The following ADGB variants were observed in gnomAD, a reference collection of about 807,000 sequenced individuals.
The protein encoded by ADGB is androglobin, also known as calpain-7-like protein.
In ADGB, 172 loss-of-function variants were observed where a neutral mutation model predicts 210.5. That is an observed-to-expected ratio of 0.82 (90% CI 0.72 to 0.93). The LOEUF is 0.93. Among genes scored for constraint, ADGB ranks in the 40% least tolerant of loss-of-function variants. The probability of loss-of-function intolerance (pLI) is 0.00; values close to 1 mark genes in which losing one functional copy is unlikely to be tolerated. For synonymous variants in ADGB, 658 were observed against 662.7 expected (o/e 0.99, Z 0.11); for missense variants, 2,025 against 1,964.8 (o/e 1.03, Z -0.58).
chr6:146,660,913 G>T (rs1354906053), intron 5 of ADGB, among the ~76,000 whole-genome samples: 1 of 151,994 alleles, frequency 6.6e-6, no homozygotes, highest in African/African-American at 2.4e-5. Context: ...TTTGTTCTTT[G>T]TTACCTTTCT....
At chr6:146,725,901 A>G (rs945996858) in intron 18 of ADGB, 182 bp from the exon 19 acceptor site, 8 of 446,196 alleles carry the variant, frequency 1.8e-5, no homozygotes, top group Admixed American at 3.6e-5. Flanking sequence ...CGTAGATTTC[A>G]TGATCCCGTA....
chr6:146,638,113 A>G (rs534180769), intron 2 of ADGB, among the ~76,000 whole-genome samples: 73 of 152,216 alleles, frequency 4.8e-4, no homozygotes, highest in African/African-American at 1.7e-3. Context: ...GATTCATCAC[A>G]TAAACACAAC....
chr6:146,802,978 C>G, intron 35 of ADGB: 1 of 1,609,600 alleles, frequency 6.2e-7, no homozygotes, highest in African/African-American at 1.3e-5. Flanking sequence ...TTAATGACTG[C>G]TTGAAGCCAG....
rs202088258 is a variant in ADGB, at chr6:146,701,044, A to G, written c.1681A>G (p.Ser561Gly). 4.3e-4 allele frequency: 669 copies of G among 1,550,768 alleles called. 6 individuals are homozygous for G. The South Asian group carries it at 7.4e-3, about 17-fold the overall frequency. The part of the protein sequence containing the change: ...ETATHSQTDL[S>G]QITKATSQGN... ...TGCAACACATAGCCAGACAGACTTG[A>G]GTCAAATAACAAAAGCTACATCTCA... The change falls in exon 13 of 36, where the codon AGT (serine) becomes GGT (glycine). Residue 561 changes from serine (S) to glycine (G), a missense_variant. Coordinates refer to ENST00000397944, the MANE Select transcript of ADGB (RefSeq NM_024694.4).
At chr6:146,673,844 G>A (rs1214011770) in intron 8 of ADGB, among the ~76,000 whole-genome samples, 1 of 152,068 alleles carries the variant, frequency 6.6e-6, no homozygotes, top group African/African-American at 2.4e-5. Context: ...TATACACTTG[G>A]GAGTCGTTGA....
At chr6:146,623,828 T>C (rs1268641509) in intron 1 of ADGB, among the ~76,000 whole-genome samples, 1 of 151,910 alleles carries the variant, frequency 6.6e-6, no homozygotes, top group East Asian at 1.9e-4. Flanking sequence ...TCTCCACATA[T>C]TTAGATGATC....
chr6:146,758,131 C>T (rs1777436355), intron 27 of ADGB, among the ~76,000 whole-genome samples: 1 of 152,064 alleles, frequency 6.6e-6, no homozygotes, highest in Non-Finnish European at 1.5e-5. Context: ...GGCTGCATTA[C>T]TCCTTTGTGG....
intron 4 of ADGB, 120 bp from the exon 5 acceptor site, chr6:146,656,651 A>G: frequency 4.4e-6 from 3 of 686,272 alleles, no homozygotes; most frequent in Non-Finnish European, 7.0e-6. Context: ...AGTATGGAAT[A>G]CATTACATGT....
At chr6:146,652,087 G>A (rs986273207) in intron 3 of ADGB, among the ~76,000 whole-genome samples, 1 of 152,156 alleles carries the variant, frequency 6.6e-6, no homozygotes, top group East Asian at 1.9e-4. Context: ...TAGGATGTCT[G>A]AAGATTTATC....
intron 1 of ADGB, among the ~76,000 whole-genome samples, chr6:146,629,045 G>C (rs778745209): frequency 3.2e-4 from 49 of 152,184 alleles, no homozygotes; most frequent in Admixed American, 1.6e-3. Context: ...CATTAAAATT[G>C]CAAATTGTAT....
In ADGB at chr6:146,746,062, G is replaced by C; in HGVS notation, c.3318G>C (p.Lys1106Asn). 1 of 1,550,348 alleles carries C rather than the reference G, an allele frequency of 6.5e-7. No individual in the cohort carries two copies. Among genetic ancestry groups the C allele is most frequent in the African/African-American group, 1.4e-5 (1 of 73,024 alleles). Residue 1106 changes from lysine to asparagine, a missense_variant, in exon 26 of 36, where the codon AAG (lysine) becomes AAC (asparagine). Physicochemically the swap from Lys to Asn is moderately conservative, Grantham distance 94. Coordinates refer to ENST00000397944, the MANE Select transcript of ADGB (RefSeq NM_024694.4). ...CTCCATGCAATTCCTTTGCCATAAA[G>C]GAAATCCGAGATTACTACATACCCA... ...RDSPCNSFAI[K>N]EIRDYYIPND...
chr6:146,804,383 A>T (rs1778179675), intron 35 of ADGB, among the ~76,000 whole-genome samples: 1 of 152,102 alleles, frequency 6.6e-6, no homozygotes, highest in South Asian at 2.1e-4. Context: ...TGCCTATTTG[A>T]CATCTCTTCT....
Position 146,752,530 on chromosome 6 carries a change from G to T in ADGB, c.3366G>T (p.Arg1122Ser). The T allele has an allele frequency of 6.5e-7, 1 of 1,534,286 alleles. No homozygotes were observed. The highest frequency in any genetic ancestry group is 8.8e-7 in the Non-Finnish European group (1 of 1,140,102). ...TAATGTTAACTTTTTTTCTTTACAGGTATTCGGTTAAAGTTCTAACACCAC... is the reference window on the plus strand; with the variant it reads ...TAATGTTAACTTTTTTTCTTTACAGTTATTCGGTTAAAGTTCTAACACCAC... ...YIPNDKKILF[R>S]YSVKVLTPQP... The change falls in exon 27 of 36, where the codon AGG becomes AGT. Residue 1122 changes from arginine (R) to serine (S), a missense_variant and splice_region_variant. Arg to Ser is a moderately radical substitution (Grantham distance 110). Transcript: ENST00000397944.
At position 146,618,372 on chromosome 6, in the gene ADGB, A is replaced by G. The variant is rs1371001952; in HGVS notation, c.75-17003A>G. Among the ~76,000 whole-genome samples, 4 of 151,736 alleles carry G rather than the reference A, an allele frequency of 2.6e-5. No homozygotes were observed. In the South Asian group the frequency reaches 6.2e-4, roughly 24 times the overall value. On this transcript the variant is annotated intron_variant, in intron 1 of 35. Coordinates refer to ENST00000397944, the MANE Select transcript of ADGB (RefSeq NM_024694.4). ...TTGTATATTTTTATTCGTCAGAAAT[A>G]GCTCTGATATTTATTATTTCTTTTC... is the stretch of plus-strand genomic sequence containing the variant.
At chr6:146,716,809 C>T in intron 14 of ADGB, 74 bp from the exon 15 acceptor site, 10 of 1,348,292 alleles carry the variant, frequency 7.4e-6, no homozygotes, top group South Asian at 1.6e-5. Flanking sequence ...TTTAAGTTTC[C>T]CTTTATCATT....
Position 146,811,439 on chromosome 6 carries a change from G to GAA in ADGB, c.4819-3593_4819-3592insAA, listed in dbSNP as rs1187217388. On this transcript the variant is annotated intron_variant, in intron 35 of 35. Transcript: ENST00000397944. ...TATACATGTATGTGTGTCTTTGTGT[G>GAA]TTTATATATATATATATTCAGGATA... is the stretch of plus-strand genomic sequence containing the variant. Among the ~76,000 whole-genome samples, 3 of 91,622 alleles carry GAA rather than the reference G, an allele frequency of 3.3e-5. No individual in the cohort carries two copies. The East Asian group carries it at 1.5e-3, about 46-fold the overall frequency. 60.1% of individuals were successfully genotyped at this position (91,622 alleles called of 152,430 possible). A position where few individuals can be genotyped will look rare whatever the true frequency, so the allele number is the denominator to read the frequency against.
chr6:146,726,045 G>A, intron 18 of ADGB, 38 bp from the exon 19 acceptor site: 3 of 1,362,424 alleles, frequency 2.2e-6, no homozygotes, highest in African/African-American at 1.4e-5. Flanking sequence ...CACCACCCAG[G>A]AAGCACTCGG....
At chr6:146,627,263 A>G (rs758816744) in intron 1 of ADGB, among the ~76,000 whole-genome samples, 10 of 151,856 alleles carry the variant, frequency 6.6e-5, no homozygotes, top group African/African-American at 2.4e-4. Flanking sequence ...AAGTCAATCA[A>G]TTGTTTCTGT....
intron 32 of ADGB, among the ~76,000 whole-genome samples, 157 bp from the exon 33 acceptor site, chr6:146,788,232 G>T (rs550741176): frequency 6.6e-6 from 1 of 152,246 alleles, no homozygotes; most frequent in Non-Finnish European, 1.5e-5. Flanking sequence ...GCCTTCTAGG[G>T]TGACAGTCAT....
Sources: gnomAD v4.1 joint callset for allele counts (sites outside exome capture counted in the v4.1 genomes callset) on GRCh38, gnomAD v4.1.1 for gene constraint, MANE v1.5 for transcripts, NCBI Gene and HGNC (gene_info 2026-07-23, HGNC 2026-07-21) for gene names.